DIAPH3: variants seen among roughly 807,000 people sequenced by gnomAD.
The protein encoded by DIAPH3 is protein diaphanous homolog 3.
DIAPH3 carries 117 observed loss-of-function variants against 144.3 expected under a neutral mutation model. That is an observed-to-expected ratio of 0.81 (90% CI 0.70 to 0.95). DIAPH3 has a LOEUF of 0.95. Ranked by LOEUF, DIAPH3 falls within the 40% of genes least tolerant of loss-of-function variation. The probability of loss-of-function intolerance (pLI) is 0.00; values close to 1 mark genes in which losing one functional copy is unlikely to be tolerated. For missense variants in DIAPH3, 1,421 were observed against 1,412.7 expected (o/e 1.01, Z -0.09); for synonymous variants, 519 against 488.9 (o/e 1.06, Z -0.81).
intron 27 of DIAPH3, among the ~76,000 whole-genome samples, chr13:59,684,520 T>C (rs1188544924): frequency 6.6e-6 from 1 of 152,224 alleles, no homozygotes; most frequent in Non-Finnish European, 1.5e-5. Context: ...AGCACCTTTC[T>C]TTGTTTACTG....
chr13:59,991,031 A>T, intron 12 of DIAPH3, 127 bp downstream of exon 12: 2 of 633,796 alleles, frequency 3.2e-6, no homozygotes, highest in East Asian at 2.8e-5. Flanking sequence ...AAAACAACAC[A>T]TTCTATGAAT....
At chr13:59,719,918 A>G (rs750915138) in intron 27 of DIAPH3, among the ~76,000 whole-genome samples, 3 of 152,188 alleles carry the variant, frequency 2.0e-5, no homozygotes, top group Non-Finnish European at 4.4e-5. Flanking sequence ...AAAGTCAATG[A>G]TAACTTGAGG....
chr13:59,838,943 T>A (rs1159918849), intron 23 of DIAPH3: 1 of 202,816 alleles, frequency 4.9e-6, no homozygotes, highest in African/African-American at 2.3e-5. Flanking sequence ...ACCCTGTCTC[T>A]ACTAAAAATA....
intron 17 of DIAPH3, among the ~76,000 whole-genome samples, chr13:59,952,820 T>C (rs1429788427): frequency 6.6e-6 from 1 of 152,174 alleles, no homozygotes; most frequent in Non-Finnish European, 1.5e-5. Context: ...ATTATTGCAT[T>C]TCTGCTTTAA....
intron 25 of DIAPH3, among the ~76,000 whole-genome samples, chr13:59,804,367 C>T (rs1274683812): frequency 6.6e-6 from 1 of 152,158 alleles, no homozygotes; most frequent in Non-Finnish European, 1.5e-5. Context: ...GTTAAATCAT[C>T]AGTGGTAAAA....
intron 3 of DIAPH3, among the ~76,000 whole-genome samples, chr13:60,099,534 A>C (rs1221371827): frequency 1.3e-5 from 2 of 152,158 alleles, no homozygotes; most frequent in Non-Finnish European, 2.9e-5. Flanking sequence ...GAGAGTGTCA[A>C]ACTGCATATA....
chr13:59,991,602 G>A (rs983360904), intron 11 of DIAPH3, among the ~76,000 whole-genome samples: 1 of 151,876 alleles, frequency 6.6e-6, no homozygotes, highest in East Asian at 1.9e-4. Context: ...AGAGCTGGTG[G>A]TCAGGTTAAT....
intron 27 of DIAPH3, among the ~76,000 whole-genome samples, chr13:59,669,797 C>A (rs1011832393): frequency 1.3e-5 from 2 of 152,140 alleles, no homozygotes; most frequent in Admixed American, 1.3e-4. Context: ...TAGTAAAATA[C>A]CTTGAAAGAA....
Position 59,666,418 on chromosome 13 carries a change from A to T in DIAPH3, c.*166T>A. The T allele has an allele frequency of 1.2e-6, 1 of 804,998 alleles. No individual in the cohort carries two copies. Among genetic ancestry groups the T allele is most frequent in the Non-Finnish European group, 1.9e-6 (1 of 537,166 alleles). The allele number at this position is 804,998 out of a possible 1,614,324, so 49.9% of individuals were successfully genotyped here. On this transcript the variant is annotated 3_prime_UTR_variant, in exon 28 of 28. Transcript: ENST00000400324. ...TCTTGAATAAACCAAAACCTCCAGT[A>T]CATAGAAAAAGCATTGCAATCATAT...
chr13:60,038,647 C>A (rs1437488350), intron 5 of DIAPH3, among the ~76,000 whole-genome samples: 1 of 152,062 alleles, frequency 6.6e-6, no homozygotes, highest in Non-Finnish European at 1.5e-5. Flanking sequence ...CTTTAGAAAT[C>A]TAACAAAAAG....
chr13:60,107,241 AT>A (rs1472719244), intron 3 of DIAPH3, among the ~76,000 whole-genome samples: 1 of 152,038 alleles, frequency 6.6e-6, no homozygotes, highest in African/African-American at 2.4e-5. Flanking sequence ...TTTGTTCCGT[AT>A]AACTGTATTC....
At chr13:60,111,958 C>G in intron 3 of DIAPH3, 52 bp downstream of exon 3, 3 of 1,591,074 alleles carry the variant, frequency 1.9e-6, no homozygotes, top group South Asian at 2.2e-5. Context: ...TTAACATGAG[C>G]AAAAGCTAAG....
chr13:59,916,068 T>C, intron 19 of DIAPH3, 87 bp downstream of exon 19: 1 of 1,115,824 alleles, frequency 9.0e-7, no homozygotes, highest in Non-Finnish European at 1.4e-6. Flanking sequence ...ATGATTTGGG[T>C]GAAGAATTTT....
chr13:59,811,719 A>G (rs1349933529), intron 24 of DIAPH3, among the ~76,000 whole-genome samples: 1 of 145,794 alleles, frequency 6.9e-6, no homozygotes, highest in Non-Finnish European at 1.5e-5. Context: ...CCTGGGCGAC[A>G]GAGCAAGACT....
At chr13:59,673,761 T>C (rs1006903315) in intron 27 of DIAPH3, among the ~76,000 whole-genome samples, 8 of 152,182 alleles carry the variant, frequency 5.3e-5, no homozygotes, top group Admixed American at 2.0e-4. Context: ...AAAGCCGCAG[T>C]GCAAACTCAA....
intron 21 of DIAPH3, among the ~76,000 whole-genome samples, chr13:59,877,057 C>A (rs2044676247): frequency 6.6e-6 from 1 of 152,144 alleles, no homozygotes. Flanking sequence ...TAGCTTGGAA[C>A]TCCATCATCT....
intron 5 of DIAPH3, among the ~76,000 whole-genome samples, chr13:60,035,938 T>C (rs1264389244): frequency 6.6e-6 from 1 of 152,204 alleles, no homozygotes; most frequent in African/African-American, 2.4e-5. Flanking sequence ...GATTCCCTCA[T>C]TCCAGCTACA....
intron 14 of DIAPH3, among the ~76,000 whole-genome samples, chr13:59,975,186 T>C (rs1203862017): frequency 6.6e-6 from 1 of 151,932 alleles, no homozygotes; most frequent in African/African-American, 2.4e-5. Context: ...ACACAAGCAT[T>C]TGACTTTCTT....
chr13:60,016,258 TAAG>T, intron 5 of DIAPH3, 113 bp from the exon 6 acceptor site: 2 of 928,754 alleles, frequency 2.2e-6, no homozygotes, highest in South Asian at 1.5e-5. Context: ...AACTAAAACA[TAAG>T]AATAACACCA....
Sources: gnomAD v4.1 joint callset for allele counts (sites outside exome capture counted in the v4.1 genomes callset) on GRCh38, gnomAD v4.1.1 for gene constraint, MANE v1.5 for transcripts, NCBI Gene and HGNC (gene_info 2026-07-23, HGNC 2026-07-21) for gene names.